The following MYO1D variants were observed in gnomAD, a reference collection of about 807,000 sequenced individuals.
The protein encoded by MYO1D is myosin ID.
Under a neutral mutation model 122.0 loss-of-function variants are expected in MYO1D, and 83 were observed. The observed-to-expected ratio is 0.68, with a 90% CI of 0.57 to 0.82. MYO1D has a LOEUF of 0.82. Among genes scored for constraint, MYO1D ranks in the 40% least tolerant of loss-of-function variants. The pLI, the probability that MYO1D is intolerant of heterozygous loss-of-function variation, is 0.00. For missense variants in MYO1D, 1,157 were observed against 1,269.5 expected (o/e 0.91, Z 1.35); for synonymous variants, 464 against 446.9 (o/e 1.04, Z -0.48).
chr17:32,857,584 C>CAAA (rs563112277), intron 1 of MYO1D, among the ~76,000 whole-genome samples: 10 of 107,816 alleles, frequency 9.3e-5, no homozygotes, highest in South Asian at 3.1e-4. Context: ...GACTCCACCT[C>CAAA]AAAAAAAAAA....
chr17:32,616,109 C>T (rs2087765794), intron 20 of MYO1D, among the ~76,000 whole-genome samples: 1 of 152,152 alleles, frequency 6.6e-6, no homozygotes, highest in African/African-American at 2.4e-5. Context: ...TGGTAGGTAT[C>T]CCACCCCTAG....
chr17:32,579,810 G>C (rs2087313222), intron 21 of MYO1D, among the ~76,000 whole-genome samples: 1 of 152,180 alleles, frequency 6.6e-6, no homozygotes, highest in Non-Finnish European at 1.5e-5. Flanking sequence ...CCATGTTGTA[G>C]TATCAATAGC....
At chr17:32,622,180 G>A (rs1424642169) in intron 20 of MYO1D, among the ~76,000 whole-genome samples, 1 of 152,024 alleles carries the variant, frequency 6.6e-6, no homozygotes, top group Non-Finnish European at 1.5e-5. Context: ...TCCCATCTTG[G>A]TGAGTCACCA....
At chr17:32,680,643 T>C (rs945027592) in intron 16 of MYO1D, among the ~76,000 whole-genome samples, 20 of 149,122 alleles carry the variant, frequency 1.3e-4, no homozygotes, top group African/African-American at 3.2e-4. Context: ...CTTTTTGATG[T>C]GCTGCTGGAT....
Position 32,757,982 on chromosome 17 carries a change from G to A in MYO1D, c.1296+2308C>T, listed in dbSNP as rs367816291. On this transcript the variant is annotated intron_variant, in intron 10 of 21. Transcript: ENST00000318217. ...AAAATGATTTGCAAACTACAGCATC[G>A]AAAGCTTTTAAAAGTGAATGTACCA... 1.8e-4 allele frequency among the ~76,000 whole-genome samples: 27 copies of A among 152,112 alleles called. No individual in the cohort carries two copies. In the South Asian group the frequency reaches 5.2e-3, roughly 29 times the overall value.
At chr17:32,574,926 C>G (rs1157860538) in intron 21 of MYO1D, among the ~76,000 whole-genome samples, 2 of 152,156 alleles carry the variant, frequency 1.3e-5, no homozygotes, top group Non-Finnish European at 2.9e-5. Flanking sequence ...GCTCTGAACT[C>G]TGGGTTCTTC....
In MYO1D at chr17:32,624,235, A is replaced by G. The variant is rs1255926558; in HGVS notation, c.2709+14487T>C. On this transcript the variant is annotated intron_variant, in intron 20 of 21. Coordinates refer to ENST00000318217, the MANE Select transcript of MYO1D (RefSeq NM_015194.3). ...CTTTAAGTTTTTTTTTTTTTTTTGT[A>G]GAGACAGGGTCTTGCTATGTTGGCC... Among the ~76,000 whole-genome samples, 3 of 93,646 alleles carry G rather than the reference A, an allele frequency of 3.2e-5. No individual in the cohort carries two copies. The Admixed American group carries it at 3.3e-4, about 10-fold the overall frequency. The allele number at this position is 93,646 out of a possible 152,430, so 61.4% of individuals were successfully genotyped here.
intron 4 of MYO1D, 133 bp from the exon 5 acceptor site, chr17:32,772,975 TG>T: frequency 1.4e-6 from 1 of 710,634 alleles, no homozygotes; most frequent in South Asian, 1.6e-5. Context: ...CTGAAGCAAC[TG>T]AAGAATCACA....
intron 21 of MYO1D, among the ~76,000 whole-genome samples, chr17:32,539,196 C>A (rs1308113194): frequency 6.6e-6 from 1 of 151,710 alleles, no homozygotes; most frequent in East Asian, 1.9e-4. Context: ...AATGCCAGCA[C>A]TTTGGGAGGC....
At chr17:32,625,978 G>A (rs889016925) in intron 20 of MYO1D, among the ~76,000 whole-genome samples, 1 of 152,260 alleles carries the variant, frequency 6.6e-6, no homozygotes, top group African/African-American at 2.4e-5. Flanking sequence ...TTCTTGGTGA[G>A]CTTTGTGACC....
At chr17:32,614,318 C>T (rs897041754) in intron 20 of MYO1D, among the ~76,000 whole-genome samples, 4 of 147,024 alleles carry the variant, frequency 2.7e-5, no homozygotes, top group South Asian at 4.4e-4. Flanking sequence ...GAAATTGTAG[C>T]GGTCACTTAA....
At chr17:32,558,799 C>T (rs1314750210) in intron 21 of MYO1D, among the ~76,000 whole-genome samples, 1 of 152,198 alleles carries the variant, frequency 6.6e-6, no homozygotes. Flanking sequence ...TGGGACAAGA[C>T]ACTGAGGCGG....
At chr17:32,786,301 G>A (rs1395898069) in intron 1 of MYO1D, among the ~76,000 whole-genome samples, 1 of 152,184 alleles carries the variant, frequency 6.6e-6, no homozygotes, top group Non-Finnish European at 1.5e-5. Context: ...AGGCAAAAGA[G>A]AAAAAGTGCA....
At chr17:32,581,750 T>A (rs928530299) in intron 21 of MYO1D, among the ~76,000 whole-genome samples, 1 of 151,850 alleles carries the variant, frequency 6.6e-6, no homozygotes, top group Admixed American at 6.6e-5. Flanking sequence ...TTTGTGTGTG[T>A]GTGTGTGTGT....
intron 21 of MYO1D, chr17:32,505,490 G>C (rs1453268669): frequency 1.3e-5 from 2 of 152,242 alleles, no homozygotes; most frequent in African/African-American, 4.8e-5. Flanking sequence ...TCTGGGAAGT[G>C]CCAGCCTGAA....
intron 20 of MYO1D, among the ~76,000 whole-genome samples, chr17:32,636,327 C>T (rs528804016): frequency 1.3e-5 from 2 of 152,198 alleles, no homozygotes; most frequent in Non-Finnish European, 2.9e-5. Context: ...TTATTAGCAT[C>T]ATCATGTTTT....
Position 32,654,468 on chromosome 17 carries a change from T to C in MYO1D, c.2490+9A>G, listed in dbSNP as rs771085317. On this transcript the variant is annotated intron_variant, in intron 18 of 21. Transcript: ENST00000318217. ...AGAAGTAGATTTCACTTTGTTCCCT[T>C]GGACTTACTGAAGCAAGATAGTTGC... 1.2e-6 allele frequency: 2 copies of C among 1,607,028 alleles called. No individual in the cohort carries two copies.
chr17:32,757,789 T>C (rs921607908), intron 10 of MYO1D, among the ~76,000 whole-genome samples: 1 of 152,106 alleles, frequency 6.6e-6, no homozygotes, highest in African/African-American at 2.4e-5. Flanking sequence ...AAACCAGTAG[T>C]TTTCAAACTA....
chr17:32,630,331 T>C (rs1259175200), intron 20 of MYO1D, among the ~76,000 whole-genome samples: 1 of 152,196 alleles, frequency 6.6e-6, no homozygotes, highest in Non-Finnish European at 1.5e-5. Flanking sequence ...CCCAAAGTGC[T>C]GGGATTACAG....
Sources: gnomAD v4.1 joint callset for allele counts (sites outside exome capture counted in the v4.1 genomes callset) on GRCh38, gnomAD v4.1.1 for gene constraint, MANE v1.5 for transcripts, NCBI Gene and HGNC (gene_info 2026-07-23, HGNC 2026-07-21) for gene names.